The following SCN4B variants were observed in gnomAD, a reference collection of about 807,000 sequenced individuals.
SCN4B encodes sodium channel regulatory subunit beta-4.
In SCN4B, 20 loss-of-function variants were observed where a neutral mutation model predicts 19.6. The observed-to-expected ratio is 1.02, with a 90% confidence interval of 0.72 to 1.48. SCN4B has a LOEUF of 1.48. SCN4B is among the 40% of genes most tolerant of loss of function. The pLI is 0.00. For missense variants in SCN4B, 271 were observed against 287.5 expected (o/e 0.94, Z 0.42); for synonymous variants, 127 against 122.8 (o/e 1.03, Z -0.22).
intron 4 of SCN4B, among the ~76,000 whole-genome samples, chr11:118,138,387 T>C (rs1278669477): frequency 6.6e-6 from 1 of 152,208 alleles, no homozygotes; most frequent in Non-Finnish European, 1.5e-5. Context: ...AGTTGATAAA[T>C]GTGACATCCC....
intron 4 of SCN4B, 58 bp from the exon 5 acceptor site, chr11:118,137,178 TTG>T: frequency 1.5e-6 from 2 of 1,322,132 alleles, no homozygotes; most frequent in Non-Finnish European, 1.1e-6. Context: ...AGGGGGAGAA[TTG>T]TGGCAGGAGC....
chr11:118,136,932 A>G lies in SCN4B; in HGVS notation c.*95T>C. The G allele has an allele frequency of 2.4e-6, 2 of 829,632 alleles. No individual in the cohort carries two copies. The highest frequency in any genetic ancestry group is 4.1e-6 in the Non-Finnish European group (2 of 486,002). The allele number at this position is 829,632 out of a possible 1,614,324, so 51.4% of individuals were successfully genotyped here. On this transcript the variant is annotated 3_prime_UTR_variant, in exon 5 of 5. Coordinates refer to ENST00000324727, the MANE Select transcript of SCN4B (RefSeq NM_174934.4). ...GACTACAGTTTGAGCCAAGCAGCAG[A>G]TGTCTCAGGCACGTGGGTTCTACGG...
rs1188828010 is a variant in SCN4B, at chr11:118,150,970, C to A, written c.61+1643G>T. ...ACAAGTCACTCTGCTTTCTCCTGGG[C>A]TCCCAAAGGGTAGCTCAGAAATTCA... is the stretch of plus-strand genomic sequence containing the variant. On this transcript the variant is annotated intron_variant, in intron 1 of 4. Transcript: ENST00000324727. 3.9e-5 allele frequency among the ~76,000 whole-genome samples: 6 copies of A among 152,204 alleles called. No homozygotes were observed. The East Asian group carries it at 1.2e-3, about 29-fold the overall frequency.
intron 1 of SCN4B, among the ~76,000 whole-genome samples, chr11:118,147,549 ACTC>A (rs979645514): frequency 6.6e-6 from 1 of 151,772 alleles, no homozygotes; most frequent in African/African-American, 2.4e-5. Context: ...ACTCCATAGA[ACTC>A]CTGCCTTTCT....
intron 4 of SCN4B, among the ~76,000 whole-genome samples, chr11:118,138,741 C>T (rs1266431623): frequency 6.6e-6 from 1 of 152,162 alleles, no homozygotes; most frequent in Non-Finnish European, 1.5e-5. Flanking sequence ...GAAGCCTCCT[C>T]ATAGGAGTCA....
In SCN4B at chr11:118,144,025, G is replaced by T. The variant is rs113659925; in HGVS notation, c.271C>A (p.Pro91Thr). The T allele has an allele frequency of 8.1e-6, 13 of 1,613,972 alleles. No individual in the cohort carries two copies. Among genetic ancestry groups the T allele is most frequent in the Non-Finnish European group, 1.1e-5 (13 of 1,179,906 alleles). Reference sequence around the variant, plus strand: ...TCATCGTCTTTCAACGTCACCTTGGGGTCAGACTTCTCATTCTTCACAGTC... The same window carrying T: ...TCATCGTCTTTCAACGTCACCTTGGTGTCAGACTTCTCATTCTTCACAGTC... ...EGTVKNEKSD[P>T]KVTLKDDDRI... Residue 91 changes from proline to threonine, a missense_variant, in exon 3 of 5, where the codon CCC (proline) becomes ACC (threonine). Transcript: ENST00000324727.
At chr11:118,145,361 G>T (rs1948158934) in intron 1 of SCN4B, 132 bp from the exon 2 acceptor site, 2 of 1,540,456 alleles carry the variant, frequency 1.3e-6, no homozygotes, top group East Asian at 2.4e-5. Context: ...ACCTCGGGAG[G>T]ATGGCTGTCT....
rs1005913807 is a variant in SCN4B, at chr11:118,134,187, C to T, written c.*2840G>A. On this transcript the variant is annotated 3_prime_UTR_variant, in exon 5 of 5. Transcript: ENST00000324727. ...ATTCGGGCTGCCTTCTGTTCAATTA[C>T]GACATGGGGAGAAGCCCAGAACCTG... is the stretch of plus-strand genomic sequence containing the variant. 8 of 454,074 alleles carry T rather than the reference C, an allele frequency of 1.8e-5. No homozygotes were observed. Among genetic ancestry groups the T allele is most frequent in the South Asian group, 3.1e-5 (2 of 64,484 alleles). The allele number at this position is 454,074 out of a possible 1,614,324, so 28.1% of individuals were successfully genotyped here.
chr11:118,145,987 C>T (rs2135506085), intron 1 of SCN4B, among the ~76,000 whole-genome samples: 1 of 151,732 alleles, frequency 6.6e-6, no homozygotes, highest in South Asian at 2.1e-4. Context: ...CGCGGGGGCG[C>T]GCGGGCGCAG....
chr11:118,144,207 C>G (rs1159847066), intron 2 of SCN4B, 146 bp from the exon 3 acceptor site: 6 of 645,528 alleles, frequency 9.3e-6, no homozygotes, highest in South Asian at 7.1e-5. Flanking sequence ...GCTCCTTCCC[C>G]CCATGGTTTC....
chr11:118,145,134 A>AG lies in SCN4B; in HGVS notation c.156dup (p.Cys53LeufsTer22). 6.2e-7 allele frequency: 1 copy of AG among 1,614,174 alleles called. No homozygotes were observed. The highest frequency in any genetic ancestry group is 8.5e-7 in the Non-Finnish European group (1 of 1,180,020). ...AAGCCAAAGCAGCTGGAGAAGGTGCAGGGCAGCAGGATCTCCGTGCCATTG... is the reference window on the plus strand; with the variant it reads ...AAGCCAAAGCAGCTGGAGAAGGTGCAGGGGCAGCAGGATCTCCGTGCCATTG... On this transcript the variant is annotated frameshift_variant, in exon 2 of 5. Transcript: ENST00000324727. LOFTEE classifies it high-confidence loss of function.
At chr11:118,145,939 G>C (rs1330059430) in intron 1 of SCN4B, among the ~76,000 whole-genome samples, 1 of 152,198 alleles carries the variant, frequency 6.6e-6, no homozygotes, top group East Asian at 1.9e-4. Context: ...GGAACACGGC[G>C]GGGGTGGGGA....
rs765225409 is a variant in SCN4B at position 118,141,311 on chromosome 11, T to C, written c.489A>G (p.Thr163=). Residue 163 remains threonine, a synonymous_variant, in exon 4 of 5, where the codon ACA becomes ACG. Transcript: ENST00000324727. ...CGCCCACGACAGCCAGGATGATGAG[T>C]GTCACTGTGTTGTCCACTTCTTCCA... ...DRLEEVDNTV[T]LIILAVVGGV... is the part of the protein sequence containing the mutation. The C allele has an allele frequency of 6.2e-7, 1 of 1,612,102 alleles. No homozygotes were observed. Among genetic ancestry groups the C allele is most frequent in the East Asian group, 2.2e-5 (1 of 44,876 alleles).
At chr11:118,143,269 G>A (rs1183005592) in intron 3 of SCN4B, among the ~76,000 whole-genome samples, 1 of 152,146 alleles carries the variant, frequency 6.6e-6, no homozygotes, top group African/African-American at 2.4e-5. Context: ...TGGAATCCTA[G>A]GTAGGATGTA....
chr11:118,145,320 G>C, intron 1 of SCN4B, 91 bp from the exon 2 acceptor site: 1 of 1,586,074 alleles, frequency 6.3e-7, no homozygotes, highest in South Asian at 1.1e-5. Context: ...AGCTTGGCCA[G>C]GCAGGTAGGT....
At chr11:118,152,159 C>A (rs953973015) in intron 1 of SCN4B, among the ~76,000 whole-genome samples, 2 of 152,156 alleles carry the variant, frequency 1.3e-5, no homozygotes, top group Admixed American at 1.3e-4. Flanking sequence ...TCCCCCACCC[C>A]CAACTGGTGC....
At chr11:118,140,408 A>C (rs1948079340) in intron 4 of SCN4B, among the ~76,000 whole-genome samples, 1 of 152,228 alleles carries the variant, frequency 6.6e-6, no homozygotes. Flanking sequence ...GCAGAGCAGA[A>C]TGTTTCAGCA....
chr11:118,145,346 TG>T (rs1366617668), intron 1 of SCN4B, 117 bp from the exon 2 acceptor site: 3 of 1,555,048 alleles, frequency 1.9e-6, no homozygotes, highest in Non-Finnish European at 2.6e-6. Flanking sequence ...TCACCCTCAG[TG>T]CCAACCTCGG....
At chr11:118,137,593 C>T (rs1222161098) in intron 4 of SCN4B, among the ~76,000 whole-genome samples, 1 of 152,210 alleles carries the variant, frequency 6.6e-6, no homozygotes, top group Non-Finnish European at 1.5e-5. Flanking sequence ...ATCGCTTGAA[C>T]CTGGGAGGCG....
Sources: gnomAD v4.1 joint callset for allele counts (sites outside exome capture counted in the v4.1 genomes callset) on GRCh38, gnomAD v4.1.1 for gene constraint, MANE v1.5 for transcripts, NCBI Gene and HGNC (gene_info 2026-07-23, HGNC 2026-07-21) for gene names.